SKIC3: variants seen among roughly 807,000 people sequenced by gnomAD.
SKIC3 encodes SKI3 subunit of superkiller complex.
chr5:95,546,638 G>A, the SKIC3 span, among the ~76,000 whole-genome samples: 1 of 152,046 alleles, frequency 6.6e-6, no homozygotes, highest in Non-Finnish European at 1.5e-5. Context: ...ACTACCCTCT[G>A]TCTCTCCCCC....
the SKIC3 span, chr5:95,530,100 T>C: frequency 8.7e-6 from 14 of 1,613,166 alleles, no homozygotes; most frequent in Non-Finnish European, 1.1e-5. Context: ...TTCTGTTAGG[T>C]TCCTAACAGC....
At chr5:95,500,578 A>G in the SKIC3 span, among the ~76,000 whole-genome samples, 11 of 152,140 alleles carry the variant, frequency 7.2e-5, no homozygotes, top group African/African-American at 2.4e-4. Context: ...GCCTAGTACC[A>G]TTATCCAAAC....
the SKIC3 span, among the ~76,000 whole-genome samples, chr5:95,492,652 G>GAAAAAAAAAAAAAA: frequency 7.4e-3 from 362 of 48,788 alleles, 119 homozygotes; most frequent in Non-Finnish European, 9.1e-3. Flanking sequence ...AAAAAAAAAA[G>GAAAAAAAAAAAAAA]AAAAAAAAAA....
At chr5:95,475,779 A>G in the SKIC3 span, among the ~76,000 whole-genome samples, 125 of 152,326 alleles carry the variant, frequency 8.2e-4, no homozygotes, top group Middle Eastern at 3.4e-3. Flanking sequence ...AGGCGTATAC[A>G]TTAGCAAGAT....
chr5:95,527,670 T>C, the SKIC3 span, among the ~76,000 whole-genome samples: 1 of 152,186 alleles, frequency 6.6e-6, no homozygotes, highest in Non-Finnish European at 1.5e-5. Context: ...TAATTATTCT[T>C]GTCAAATCTG....
the SKIC3 span, among the ~76,000 whole-genome samples, chr5:95,489,539 T>G: frequency 1.8e-5 from 2 of 108,408 alleles, no homozygotes; most frequent in Non-Finnish European, 4.1e-5. Flanking sequence ...AAAAAAAAAG[T>G]AGAAAAGGAA....
chr5:95,468,124 A>G, the SKIC3 span: 1 of 1,149,338 alleles, frequency 8.7e-7, no homozygotes, highest in African/African-American at 1.5e-5. Context: ...TTTAATTCAG[A>G]TAACAATAAA....
chr5:95,526,587 C>T, the SKIC3 span, among the ~76,000 whole-genome samples: 4 of 152,176 alleles, frequency 2.6e-5, no homozygotes, highest in African/African-American at 9.6e-5. Context: ...GATTCTCCTG[C>T]CTCAGCCTCC....
the SKIC3 span, chr5:95,516,872 T>C: frequency 4.5e-6 from 7 of 1,558,430 alleles, no homozygotes; most frequent in Non-Finnish European, 6.1e-6. Context: ...GAGAAAAGCA[T>C]TATGTTTTTG....
At chr5:95,530,536 G>A in the SKIC3 span, among the ~76,000 whole-genome samples, 1 of 152,094 alleles carries the variant, frequency 6.6e-6, no homozygotes, top group Non-Finnish European at 1.5e-5. Flanking sequence ...GTAACAATTT[G>A]GTTGTCAAAT....
At chr5:95,483,611 G>A in the SKIC3 span, among the ~76,000 whole-genome samples, 1 of 152,120 alleles carries the variant, frequency 6.6e-6, no homozygotes. Flanking sequence ...TTCTTTCTCT[G>A]TAAAATGTAT....
the SKIC3 span, chr5:95,524,643 C>A: frequency 6.2e-7 from 1 of 1,607,636 alleles, no homozygotes. Flanking sequence ...TACACACACA[C>A]CCACACGCAA....
the SKIC3 span, chr5:95,498,661 T>C: frequency 1.4e-6 from 2 of 1,414,766 alleles, no homozygotes; most frequent in South Asian, 1.2e-5. Flanking sequence ...AGTCTCGCTC[T>C]GTCGCCCAGG....
At chr5:95,501,972 G>A in the SKIC3 span, among the ~76,000 whole-genome samples, 1 of 152,100 alleles carries the variant, frequency 6.6e-6, no homozygotes, top group Non-Finnish European at 1.5e-5. Context: ...CAAAGAGGAA[G>A]AAAAAAATTG....
At chr5:95,465,938 G>A in the SKIC3 span, among the ~76,000 whole-genome samples, 1 of 152,088 alleles carries the variant, frequency 6.6e-6, no homozygotes, top group Non-Finnish European at 1.5e-5. Context: ...AGAGATCCAC[G>A]GCGAACTGTC....
At chr5:95,521,632 A>G in the SKIC3 span, among the ~76,000 whole-genome samples, 7 of 149,352 alleles carry the variant, frequency 4.7e-5, no homozygotes, top group African/African-American at 1.8e-4. Context: ...TACCAAAAAT[A>G]ACTTAGATAA....
chr5:95,540,676 A>G, the SKIC3 span: 1 of 1,613,918 alleles, frequency 6.2e-7, no homozygotes, highest in African/African-American at 1.3e-5. Context: ...CTTGAGGAAT[A>G]AATGAGTCAA....
chr5:95,522,069 C>T, the SKIC3 span: 4 of 1,613,426 alleles, frequency 2.5e-6, no homozygotes, highest in Non-Finnish European at 3.4e-6. Context: ...AAAGCAGGCA[C>T]ATAATCTTCT....
the SKIC3 span, among the ~76,000 whole-genome samples, chr5:95,480,017 T>G: frequency 1.1e-4 from 17 of 152,298 alleles, 1 homozygote; most frequent in African/African-American, 3.4e-4. Context: ...CTGAATAGTC[T>G]TTTCAAAGAT....
Sources: gnomAD v4.1 joint callset for allele counts (sites outside exome capture counted in the v4.1 genomes callset) on GRCh38, gnomAD v4.1.1 for gene constraint, MANE v1.5 for transcripts, NCBI Gene and HGNC (gene_info 2026-07-23, HGNC 2026-07-21) for gene names.